Variants in KDM6B observed in about 807,000 individuals in gnomAD.
KDM6B encodes lysine-specific demethylase 6B.
In KDM6B, 22 loss-of-function variants were observed where a neutral mutation model predicts 150.4. That is an observed-to-expected ratio of 0.15 (90% CI 0.10 to 0.21). KDM6B has a LOEUF of 0.21. KDM6B is among the 10% of genes least tolerant of loss of function. The pLI is 1.00. For missense variants in KDM6B, 1,984 were observed against 2,234.3 expected (o/e 0.89, Z 2.26); for synonymous variants, 1,148 against 921.1 (o/e 1.25, Z -4.46).
intron 2 of KDM6B, among the ~76,000 whole-genome samples, chr17:7,841,619 A>G (rs558825660): frequency 1.3e-5 from 2 of 152,302 alleles, no homozygotes; most frequent in East Asian, 1.9e-4. Context: ...ACAGAGGGAG[A>G]CAAGATGAGC....
chr17:7,847,642 G>T lies in KDM6B; in HGVS notation c.1354G>T (p.Ala452Ser). 6.2e-7 allele frequency: 1 copy of T among 1,609,752 alleles called. No individual in the cohort carries two copies. Among genetic ancestry groups the T allele is most frequent in the Non-Finnish European group, 8.5e-7 (1 of 1,179,000 alleles). ...CAGCAGTCGGAAACCGTTCTTGGGG[G>T]CTCCCGCTGCCACTCCCCACCTATC... ...AHSSRKPFLG[A>S]PAATPHLSLP... The change falls in exon 12 of 24, where the codon GCT becomes TCT. Residue 452 changes from alanine to serine, a missense_variant. Ala to Ser is a moderately conservative substitution (Grantham distance 99, BLOSUM62 1). Around this residue, in one of 13 missense-constraint regions of KDM6B, gnomAD observed 1,379 missense variants for 1,275.6 expected, o/e 1.08. Coordinates refer to ENST00000448097, the MANE Select transcript of KDM6B (RefSeq NM_001348716.2).
intron 21 of KDM6B, 37 bp downstream of exon 21, chr17:7,852,673 G>T: frequency 6.2e-7 from 1 of 1,613,234 alleles, no homozygotes; most frequent in South Asian, 1.1e-5. Flanking sequence ...CACCTCCACT[G>T]ACTGGTCCCT....
chr17:7,848,446 G>A lies in KDM6B; in HGVS notation c.2158G>A (p.Ala720Thr). Residue 720 changes from alanine (A) to threonine (T), a missense_variant, in exon 12 of 24, where the codon GCC (alanine) becomes ACC (threonine). Ala to Thr is a moderately conservative substitution (Grantham distance 58). This residue lies in a region of KDM6B where 1,379 missense variants were observed against 1,275.6 expected (regional missense o/e 1.08). Coordinates refer to ENST00000448097, the MANE Select transcript of KDM6B (RefSeq NM_001348716.2). ...EEQQQHEAGV[A>T]PQPPLKEPFA... is the part of the protein sequence containing the mutation. ...ACAGCAACAACACGAAGCAGGCGTG[G>A]CCCCCCAACCCCCGCTGAAGGAGCC... 6.2e-7 allele frequency: 1 copy of A among 1,612,458 alleles called. No homozygotes were observed. The highest frequency in any genetic ancestry group is 8.5e-7 in the Non-Finnish European group (1 of 1,179,936).
chr17:7,847,716 C>T lies in KDM6B; in HGVS notation c.1428C>T (p.Leu476=), dbSNP rs2078588613. The T allele has an allele frequency of 2.0e-6, 3 of 1,532,356 alleles. No homozygotes were observed. Among genetic ancestry groups the T allele is most frequent in the African/African-American group, 1.4e-5 (1 of 69,812 alleles). The allele number at this position is 1,532,356 out of a possible 1,614,324, so 94.9% of individuals were successfully genotyped here. ...SSPPPPPCPR[L]LRPPPPPAWL... is the part of the protein sequence containing the mutation. ...CCCCTCCACCCCCCTGTCCCCGCCT[C>T]TTACGCCCCCCACCACCCCCTGCCT... Residue 476 remains leucine (L), a synonymous_variant, in exon 12 of 24, where the codon CTC becomes CTT. Coordinates refer to ENST00000448097, the MANE Select transcript of KDM6B (RefSeq NM_001348716.2).
At chr17:7,847,051 T>G in intron 10 of KDM6B, 35 bp downstream of exon 10, 1 of 1,611,112 alleles carries the variant, frequency 6.2e-7, no homozygotes, top group East Asian at 2.2e-5. Context: ...ACCTCTCACC[T>G]ACAAGTCCCA....
Position 7,849,744 on chromosome 17 carries a change from G to C in KDM6B, c.3440+16G>C. 1.2e-6 allele frequency: 2 copies of C among 1,612,502 alleles called. No individual in the cohort carries two copies. Among genetic ancestry groups the C allele is most frequent in the South Asian group, 1.1e-5 (1 of 91,090 alleles). On this transcript the variant is annotated intron_variant, in intron 12 of 23. Transcript: ENST00000448097. ...GCGCCAGCAGGTGAGTCGGCTGCCT[G>C]CTTGCTTGTCCCGGAGACAGGCTCC...
intron 13 of KDM6B, 42 bp downstream of exon 13, chr17:7,849,989 G>C: frequency 1.2e-6 from 2 of 1,613,552 alleles, no homozygotes; most frequent in Non-Finnish European, 1.7e-6. Context: ...CTGCCAGAGG[G>C]TTCTAAGACA....
intron 7 of KDM6B, 25 bp from the exon 8 acceptor site, chr17:7,846,375 C>CG: frequency 8.6e-7 from 1 of 1,161,300 alleles, no homozygotes; most frequent in Non-Finnish European, 1.3e-6. Context: ...ACATCTGCCC[C>CG]TGCCCCGTGT....
In KDM6B at chr17:7,849,603, C is replaced by G; in HGVS notation, c.3315C>G (p.Ile1105Met). ...LSEGPPKELK[I>M]RLIKVESGDK... ...AGGGGCCCCCCAAGGAGCTGAAGAT[C>G]CGGCTCATCAAGGTAGAGAGTGGTG... The change falls in exon 12 of 24, where the codon ATC (isoleucine) becomes ATG (methionine). Residue 1105 changes from isoleucine (I) to methionine (M), a missense_variant. Coordinates refer to ENST00000448097, the MANE Select transcript of KDM6B (RefSeq NM_001348716.2). 6.2e-7 allele frequency: 1 copy of G among 1,612,390 alleles called. No homozygotes were observed. The highest frequency in any genetic ancestry group is 8.5e-7 in the Non-Finnish European group (1 of 1,180,034).
Position 7,851,403 on chromosome 17 carries a change from C to CA in KDM6B, c.3944+10dup, listed in dbSNP as rs1567801905. ...ACTGGAACCCCTCCTAGGTACTGTG[C>CA]AGGTGTGCCCCTTCTGTTCCTGCTT... On this transcript the variant is annotated intron_variant, in intron 16 of 23. Transcript: ENST00000448097. 2 of 1,614,172 alleles carry CA rather than the reference C, an allele frequency of 1.2e-6. No homozygotes were observed. Among genetic ancestry groups the CA allele is most frequent in the Admixed American group, 3.3e-5 (2 of 60,020 alleles).
Position 7,847,665 on chromosome 17 carries a change from A to T in KDM6B, c.1377A>T (p.Leu459=). The T allele has an allele frequency of 6.2e-7, 1 of 1,604,926 alleles. No individual in the cohort carries two copies. Among genetic ancestry groups the T allele is most frequent in the Non-Finnish European group, 8.5e-7 (1 of 1,176,808 alleles). Residue 459 remains leucine, a synonymous_variant, in exon 12 of 24, where the codon CTA becomes CTT. Transcript: ENST00000448097. ...GGGCTCCCGCTGCCACTCCCCACCTATCCCTGCCACCTGGACCTTCCTCAC... is the reference window on the plus strand; with the variant it reads ...GGGCTCCCGCTGCCACTCCCCACCTTTCCCTGCCACCTGGACCTTCCTCAC... The part of the protein sequence containing the change: ...FLGAPAATPH[L]SLPPGPSSPP...
Position 7,851,675 on chromosome 17 carries a change from G to A in KDM6B, c.4044G>A (p.Leu1348=), listed in dbSNP as rs12939056. 0.49 allele frequency: 767,939 copies of A among 1,579,842 alleles called. 207,613 individuals carry two copies. The highest frequency in any genetic ancestry group is 0.57 in the Non-Finnish European group (657,975 of 1,163,020). The stretch of plus-strand genomic sequence containing the variant: ...GGAAGCCCCAGCTGCAGGAGCTGCT[G>A]AAGCTGCCCGCCTTCATGCGGGTAA... ...KRWKPQLQEL[L]KLPAFMRVTS... Residue 1348 remains leucine, a synonymous_variant, in exon 18 of 24, where the codon CTG becomes CTA. Coordinates refer to ENST00000448097, the MANE Select transcript of KDM6B (RefSeq NM_001348716.2).
chr17:7,853,175 C>A, intron 22 of KDM6B, 35 bp from the exon 23 acceptor site: 2 of 1,613,956 alleles, frequency 1.2e-6, no homozygotes, highest in South Asian at 2.2e-5. Flanking sequence ...CAGTGGCCCT[C>A]CCTCCCCCTG....
intron 1 of KDM6B, among the ~76,000 whole-genome samples, chr17:7,836,186 C>G (rs890062935): frequency 6.6e-6 from 1 of 152,244 alleles, no homozygotes; most frequent in Admixed American, 6.5e-5. Context: ...CCAGGTGATT[C>G]TTCTGGGCCA....
intron 14 of KDM6B, 81 bp downstream of exon 14, chr17:7,850,258 G>C: frequency 8.6e-7 from 1 of 1,156,292 alleles, no homozygotes; most frequent in Non-Finnish European, 1.3e-6. Context: ...TCCCACACTT[G>C]AAGACTCATG....
chr17:7,852,362 G>C, intron 20 of KDM6B, 26 bp downstream of exon 20: 1 of 1,599,006 alleles, frequency 6.3e-7, no homozygotes, highest in Non-Finnish European at 8.5e-7. Flanking sequence ...AGGTGTTGGC[G>C]TGGTGTGGCG....
In KDM6B at chr17:7,847,811, C is replaced by G; in HGVS notation, c.1523C>G (p.Thr508Ser). The change falls in exon 12 of 24, where the codon ACT becomes AGT. Residue 508 changes from threonine to serine, a missense_variant. Physicochemically the swap from Thr to Ser is moderately conservative, Grantham distance 58. Transcript: ENST00000448097. Reference protein sequence around the residue: ...GEILEELFFGTEGPPRPAPPP... With the variant: ...GEILEELFFGSEGPPRPAPPP... ...ATCTTAGAAGAGCTCTTCTTTGGGA[C>G]TGAGGGACCCCCCCGCCCTGCCCCA... is the stretch of plus-strand genomic sequence containing the variant. 6.5e-7 allele frequency: 1 copy of G among 1,550,234 alleles called. No homozygotes were observed.
rs2078474492 is a variant in KDM6B, at chr17:7,843,983, A to AGG, written c.-268-916_-268-915dup. On this transcript the variant is annotated intron_variant, in intron 2 of 23. Transcript: ENST00000448097. The surrounding 1 kb of genome is among the most constrained non-coding windows in gnomAD (Gnocchi z 4.5). Reference sequence around the variant, plus strand: ...AGTGAAACGAGTTCTGGGTTCTTTAAGGGAGTGGGTGGTGAGAGTGGGACA... The same window carrying AGG: ...AGTGAAACGAGTTCTGGGTTCTTTAAGGGGGAGTGGGTGGTGAGAGTGGGACA... Among the ~76,000 whole-genome samples the AGG allele has an allele frequency of 6.6e-6, 1 of 151,332 alleles. No homozygotes were observed. Among genetic ancestry groups the AGG allele is most frequent in the Non-Finnish European group, 1.5e-5 (1 of 67,872 alleles).
Position 7,849,565 on chromosome 17 carries a change from C to G in KDM6B, c.3277C>G (p.Arg1093Gly), listed in dbSNP as rs144716770. Reference sequence around the variant, plus strand: ...CAGCCGGGCCGACATGCTGAAGCTGCGCTCACTTAGTGAGGGGCCCCCCAA... The same window carrying G: ...CAGCCGGGCCGACATGCTGAAGCTGGGCTCACTTAGTGAGGGGCCCCCCAA... ...GVSRADMLKL[R>G]SLSEGPPKEL... The change falls in exon 12 of 24, where the codon CGC becomes GGC. Residue 1093 changes from arginine to glycine, a missense_variant. Transcript: ENST00000448097. 1 of 1,612,756 alleles carries G rather than the reference C, an allele frequency of 6.2e-7. No individual in the cohort carries two copies. The highest frequency in any genetic ancestry group is 8.5e-7 in the Non-Finnish European group (1 of 1,179,962).
Sources: gnomAD v4.1 joint callset for allele counts (sites outside exome capture counted in the v4.1 genomes callset) on GRCh38, gnomAD v4.1.1 for gene constraint, gnomAD v4.1.1 regional missense constraint, Gnocchi (gnomAD v3.1) non-coding constraint, MANE v1.5 for transcripts, NCBI Gene and HGNC (gene_info 2026-07-23, HGNC 2026-07-21) for gene names.